EPHB1: variants seen among roughly 807,000 people sequenced by gnomAD.
EPHB1 encodes the protein EPH receptor B1.
EPHB1 carries 30 observed loss-of-function variants against 94.4 expected under a neutral mutation model. The observed-to-expected ratio is 0.32, with a 90% CI of 0.24 to 0.43. The LOEUF is 0.43. Among genes scored for constraint, EPHB1 ranks in the 20% least tolerant of loss-of-function variants. The probability of loss-of-function intolerance (pLI) is 1.00; values close to 1 mark genes in which losing one functional copy is unlikely to be tolerated. For missense variants in EPHB1, 1,055 were observed against 1,308.3 expected (o/e 0.81, Z 2.99); for synonymous variants, 522 against 489.1 (o/e 1.07, Z -0.89).
intron 4 of EPHB1, among the ~76,000 whole-genome samples, chr3:135,125,024 C>A (rs1430981136): frequency 6.6e-6 from 1 of 151,604 alleles, no homozygotes; most frequent in Non-Finnish European, 1.5e-5. Context: ...AAACCATGTC[C>A]CATATGTCTG....
chr3:135,116,720 G>A (rs1010511131), intron 4 of EPHB1, among the ~76,000 whole-genome samples: 3 of 152,120 alleles, frequency 2.0e-5, no homozygotes, highest in Admixed American at 1.3e-4. Flanking sequence ...CCCACCTTTC[G>A]TCAGTATGCT....
chr3:134,884,731 G>T (rs1430274609), intron 1 of EPHB1, among the ~76,000 whole-genome samples: 2 of 152,186 alleles, frequency 1.3e-5, no homozygotes, highest in African/African-American at 4.8e-5. Flanking sequence ...AAGGTATGGG[G>T]CACGGTGGAA....
intron 3 of EPHB1, among the ~76,000 whole-genome samples, chr3:135,077,281 G>T (rs1937968557): frequency 6.6e-6 from 1 of 152,184 alleles, no homozygotes; most frequent in South Asian, 2.1e-4. Flanking sequence ...TTCTGCAGGA[G>T]TGGCAGTCTT....
intron 3 of EPHB1, among the ~76,000 whole-genome samples, chr3:135,040,654 G>T (rs1274979527): frequency 1.3e-5 from 2 of 152,220 alleles, no homozygotes; most frequent in Non-Finnish European, 2.9e-5. Flanking sequence ...AGGATGTTCA[G>T]CCCAATAAAC....
chr3:134,995,215 A>T (rs1414309332), intron 3 of EPHB1, among the ~76,000 whole-genome samples: 1 of 152,232 alleles, frequency 6.6e-6, no homozygotes, highest in Admixed American at 6.5e-5. Context: ...GGTGCTGTAT[A>T]AATGGAATCA....
At chr3:135,149,933 G>C (rs946072074) in intron 5 of EPHB1, among the ~76,000 whole-genome samples, 1 of 152,200 alleles carries the variant, frequency 6.6e-6, no homozygotes, top group East Asian at 1.9e-4. Flanking sequence ...TTCACTGTCA[G>C]TTGCCTCTGG....
chr3:135,091,001 C>A (rs1400672131), intron 3 of EPHB1, among the ~76,000 whole-genome samples: 1 of 152,148 alleles, frequency 6.6e-6, no homozygotes, highest in Non-Finnish European at 1.5e-5. Flanking sequence ...TCAAGTACAC[C>A]ACAGAAAGGG....
chr3:135,009,436 T>G (rs1208170233), intron 3 of EPHB1, among the ~76,000 whole-genome samples: 2 of 152,240 alleles, frequency 1.3e-5, no homozygotes, highest in African/African-American at 4.8e-5. Flanking sequence ...GGGGCTTTCC[T>G]GTATCTGTAG....
chr3:135,046,086 A>T (rs776881318), intron 3 of EPHB1, among the ~76,000 whole-genome samples: 3 of 152,240 alleles, frequency 2.0e-5, no homozygotes, highest in Non-Finnish European at 4.4e-5. Context: ...CCAGGCATGA[A>T]GAGATTTGCA....
chr3:134,968,238 C>A (rs1933837569), intron 3 of EPHB1, among the ~76,000 whole-genome samples: 1 of 151,474 alleles, frequency 6.6e-6, no homozygotes, highest in Non-Finnish European at 1.5e-5. Flanking sequence ...TAGAGCTGAG[C>A]AAAAGTCTTG....
chr3:135,098,271 T>G (rs920467690), intron 3 of EPHB1, among the ~76,000 whole-genome samples: 1 of 152,188 alleles, frequency 6.6e-6, no homozygotes, highest in African/African-American at 2.4e-5. Context: ...ATTGATAAAG[T>G]ACAGAAACAT....
intron 3 of EPHB1, among the ~76,000 whole-genome samples, chr3:134,990,650 C>A (rs1053700044): frequency 6.6e-6 from 1 of 152,218 alleles, no homozygotes; most frequent in African/African-American, 2.4e-5. Context: ...TACTGGGGAT[C>A]TAAGTCCCTT....
chr3:135,192,541 G>A lies in EPHB1; in HGVS notation c.1883-35G>A, dbSNP rs1370365177. ...CCCTCTTGAGTCCACAGACTGAGAA[G>A]GAAGAGGATATTAATGGCATTTTTG... is the stretch of plus-strand genomic sequence containing the variant. On this transcript the variant is annotated intron_variant, in intron 10 of 15. Coordinates refer to ENST00000398015, the MANE Select transcript of EPHB1 (RefSeq NM_004441.5). The A allele has an allele frequency of 1.9e-6, 3 of 1,606,084 alleles. No homozygotes were observed. The African/African-American group carries it at 4.0e-5, about 21-fold the overall frequency.
intron 9 of EPHB1, 30 bp from the exon 10 acceptor site, chr3:135,179,830 A>G (rs376719661): frequency 6.2e-7 from 1 of 1,612,766 alleles, no homozygotes; most frequent in Non-Finnish European, 8.5e-7. Context: ...CCTCTTTGGG[A>G]TGTTAACCCT....
chr3:134,867,970 G>T (rs1165438201), intron 1 of EPHB1, among the ~76,000 whole-genome samples: 1 of 152,182 alleles, frequency 6.6e-6, no homozygotes, highest in African/African-American at 2.4e-5. Flanking sequence ...AGGACAGTAA[G>T]TAAAGACCTC....
intron 3 of EPHB1, among the ~76,000 whole-genome samples, chr3:135,085,661 A>G (rs1283287934): frequency 1.3e-5 from 2 of 152,178 alleles, no homozygotes; most frequent in African/African-American, 4.8e-5. Flanking sequence ...GCCTCTCAGC[A>G]TTGCCCAGTG....
chr3:134,867,304 C>T (rs977726206), intron 1 of EPHB1, among the ~76,000 whole-genome samples: 2 of 152,226 alleles, frequency 1.3e-5, no homozygotes, highest in Non-Finnish European at 2.9e-5. Flanking sequence ...TACTCTCCCT[C>T]TCATTTTCTG....
intron 3 of EPHB1, among the ~76,000 whole-genome samples, chr3:135,053,243 C>G (rs1489719617): frequency 6.6e-6 from 1 of 151,290 alleles, no homozygotes; most frequent in Non-Finnish European, 1.5e-5. Flanking sequence ...TGGATACCCC[C>G]AAATATCCTG....
intron 3 of EPHB1, among the ~76,000 whole-genome samples, chr3:135,001,448 C>T (rs1174562375): frequency 1.3e-5 from 2 of 152,210 alleles, no homozygotes; most frequent in Non-Finnish European, 2.9e-5. Flanking sequence ...AACACTCCCA[C>T]CTGCTGCTGG....
Sources: gnomAD v4.1 joint callset for allele counts (sites outside exome capture counted in the v4.1 genomes callset) on GRCh38, gnomAD v4.1.1 for gene constraint, MANE v1.5 for transcripts, NCBI Gene and HGNC (gene_info 2026-07-23, HGNC 2026-07-21) for gene names.